The following LRRC74A variants were observed in gnomAD, a reference collection of about 807,000 sequenced individuals.
The protein encoded by LRRC74A is leucine rich repeat containing 74A, also known as leucine-rich repeat-containing protein 74A.
A neutral mutation model predicts 57.9 loss-of-function variants in LRRC74A; 44 were observed. The observed-to-expected ratio is 0.76, with a 90% CI of 0.60 to 0.98. LRRC74A has a LOEUF of 0.98. LRRC74A is among the 50% of genes least tolerant of loss of function. The pLI is 0.00. For synonymous variants in LRRC74A, 211 were observed against 219.4 expected, an observed-to-expected ratio of 0.96 and a Z score of 0.34; for missense variants, 572 against 574.0, an observed-to-expected ratio of 1.00 and a Z score of 0.04.
At chr14:76,859,013 G>A (rs1318962811) in intron 10 of LRRC74A, among the ~76,000 whole-genome samples, 1 of 152,082 alleles carries the variant, frequency 6.6e-6, no homozygotes. Flanking sequence ...CTTTCCCTTT[G>A]TTCTCTCACC....
intron 12 of LRRC74A, among the ~76,000 whole-genome samples, chr14:76,866,937 G>T: frequency 1.4e-5 from 1 of 73,826 alleles, no homozygotes; most frequent in Non-Finnish European, 2.6e-5. Flanking sequence ...GGGGGGGGTG[G>T]TAGGTGTGTG....
chr14:76,868,835 C>A (rs199840258), intron 13 of LRRC74A, among the ~76,000 whole-genome samples: 30 of 152,270 alleles, frequency 2.0e-4, no homozygotes, highest in Non-Finnish European at 2.8e-4. Context: ...CCCTGCTCTG[C>A]GGAACAAGGC....
intron 11 of LRRC74A, among the ~76,000 whole-genome samples, chr14:76,865,041 C>A (rs1218882767): frequency 6.6e-6 from 1 of 152,066 alleles, no homozygotes; most frequent in Non-Finnish European, 1.5e-5. Flanking sequence ...TAAAAGGGTC[C>A]ACACCAAGAT....
chr14:76,831,232 A>C lies in LRRC74A; in HGVS notation c.196A>C (p.Lys66Gln). 1 of 1,613,966 alleles carries C rather than the reference A, an allele frequency of 6.2e-7. No individual in the cohort carries two copies. Among genetic ancestry groups the C allele is most frequent in the Non-Finnish European group, 8.5e-7 (1 of 1,179,860 alleles). The change falls in exon 3 of 14, where the codon AAG becomes CAG. Residue 66 changes from lysine to glutamine, a missense_variant. Transcript: ENST00000689127. ...DDEKFFTTGQ[K>Q]ELYLEACKLM... ...TGAGAAATTTTTCACCACTGGACAAAAGGAGCTGTACCTGGAGGCCTGCAA... is the reference window on the plus strand; with the variant it reads ...TGAGAAATTTTTCACCACTGGACAACAGGAGCTGTACCTGGAGGCCTGCAA...
Position 76,828,268 on chromosome 14 carries a change from A to G in LRRC74A, c.38-23A>G, listed in dbSNP as rs911897936. On this transcript the variant is annotated intron_variant, in intron 1 of 13. Transcript: ENST00000689127. ...CCAGCAAGTTTTATTCCTGGCATCA[A>G]GGAGATGAGTTTTTTCTTCCAGATG... is the stretch of plus-strand genomic sequence containing the variant. 2.5e-6 allele frequency: 4 copies of G among 1,571,232 alleles called. No homozygotes were observed. In the African/African-American group the frequency reaches 5.4e-5, roughly 21 times the overall value.
chr14:76,856,592 ATGGATGGATGACAGG>A (rs1256636739), intron 9 of LRRC74A, among the ~76,000 whole-genome samples: 35 of 150,130 alleles, frequency 2.3e-4, no homozygotes, highest in African/African-American at 6.9e-4. Flanking sequence ...GGCTGGATGG[ATGGATGGATGACAGG>A]TGGATGGATG....
Position 76,860,785 on chromosome 14 carries a change from CCT to C in LRRC74A, c.1152_1153del (p.Pro385GlnfsTer44). On this transcript the variant is annotated frameshift_variant, in exon 11 of 14. Transcript: ENST00000689127. LOFTEE classifies it high-confidence loss of function. ...ACGTGGTATTCAAGGCAGTACAAGGCCTCTCTCCCAAGAAAACCATCTTCTTG... is the reference window on the plus strand; with the variant it reads ...ACGTGGTATTCAAGGCAGTACAAGGCCTCTCCCAAGAAAACCATCTTCTTG... ...LDVVFKAVQG[L>X]SPKKTIFLLT... 1 of 1,610,762 alleles carries C rather than the reference CCT, an allele frequency of 6.2e-7. No homozygotes were observed. Among genetic ancestry groups the C allele is most frequent in the African/African-American group, 1.3e-5 (1 of 74,926 alleles).
chr14:76,861,031 C>A (rs1898263758), intron 11 of LRRC74A, among the ~76,000 whole-genome samples, 192 bp downstream of exon 11: 1 of 152,236 alleles, frequency 6.6e-6, no homozygotes, highest in African/African-American at 2.4e-5. Flanking sequence ...CTCAGCAGTG[C>A]TTCCTGATCT....
chr14:76,856,448 G>A (rs1424327330), intron 9 of LRRC74A, among the ~76,000 whole-genome samples: 1 of 152,242 alleles, frequency 6.6e-6, no homozygotes, highest in African/African-American at 2.4e-5. Flanking sequence ...CTGCCTGTGT[G>A]TCCCTCAGTG....
chr14:76,840,741 G>A (rs1037199241), intron 5 of LRRC74A, among the ~76,000 whole-genome samples: 3 of 151,570 alleles, frequency 2.0e-5, no homozygotes, highest in Non-Finnish European at 4.4e-5. Context: ...CCGCCACCTC[G>A]CCCGGCTAAT....
chr14:76,855,531 C>T (rs1897817700), intron 9 of LRRC74A, among the ~76,000 whole-genome samples: 2 of 152,168 alleles, frequency 1.3e-5, no homozygotes, highest in South Asian at 2.1e-4. Flanking sequence ...TAAGACAAAA[C>T]TCTTAGTTTG....
At chr14:76,842,127 GT>G (rs1314359877) in intron 5 of LRRC74A, among the ~76,000 whole-genome samples, 1 of 152,106 alleles carries the variant, frequency 6.6e-6, no homozygotes, top group African/African-American at 2.4e-5. Context: ...TGAACAGAAT[GT>G]TTTTTTCTAT....
intron 11 of LRRC74A, among the ~76,000 whole-genome samples, chr14:76,864,575 C>T (rs909788671): frequency 5.3e-5 from 8 of 152,084 alleles, no homozygotes; most frequent in African/African-American, 1.9e-4. Context: ...ATTGTAAGGC[C>T]GGATGCAGTA....
intron 13 of LRRC74A, among the ~76,000 whole-genome samples, chr14:76,868,505 G>A (rs1030739492): frequency 1.3e-5 from 2 of 152,128 alleles, no homozygotes; most frequent in South Asian, 2.1e-4. Flanking sequence ...CCAAATTCTC[G>A]CAGCTGGGAA....
At chr14:76,841,187 G>A (rs2362863) in intron 5 of LRRC74A, among the ~76,000 whole-genome samples, 122,907 of 152,038 alleles carry the variant, frequency 0.81, 49,908 homozygotes, top group South Asian at 0.88. Flanking sequence ...AATTACAGGC[G>A]CCTGCTGCCA....
chr14:76,857,523 C>A (rs1354805202), intron 10 of LRRC74A, 48 bp downstream of exon 10: 1 of 1,332,496 alleles, frequency 7.5e-7, no homozygotes, highest in South Asian at 1.3e-5. Context: ...AAGCCAGTGA[C>A]CCTGTCCACT....
intron 3 of LRRC74A, among the ~76,000 whole-genome samples, chr14:76,834,876 C>T (rs7493768): frequency 0.28 from 43,350 of 152,106 alleles, 6,949 homozygotes; most frequent in East Asian, 0.52. Flanking sequence ...GAATTTTGCT[C>T]AGCCCAGAGA....
chr14:76,829,220 C>T lies in LRRC74A; in HGVS notation c.166+801C>T. The T allele has an allele frequency of 8.6e-6, 11 of 1,283,064 alleles. No homozygotes were observed. In the South Asian group the frequency reaches 1.2e-4, roughly 14 times the overall value. 79.5% of individuals were successfully genotyped at this position (1,283,064 alleles called of 1,614,324 possible). On this transcript the variant is annotated intron_variant, in intron 2 of 13. Coordinates refer to ENST00000689127, the MANE Select transcript of LRRC74A (RefSeq NM_001385106.1). Reference sequence around the variant, plus strand: ...CCCAGTCACCCTTCCTCCCCTGCATCCTTGCAGCTGGCTGGTGGGCAGTGA... The same window carrying T: ...CCCAGTCACCCTTCCTCCCCTGCATTCTTGCAGCTGGCTGGTGGGCAGTGA...
intron 7 of LRRC74A, among the ~76,000 whole-genome samples, chr14:76,851,600 C>T (rs979487067): frequency 2.6e-5 from 4 of 151,848 alleles, no homozygotes; most frequent in African/African-American, 9.7e-5. Flanking sequence ...TCTGGTGATC[C>T]ACCTGCCTCG....
Sources: allele counts gnomAD v4.1 joint callset (sites outside exome capture counted in the v4.1 genomes callset), GRCh38; gene constraint gnomAD v4.1.1; transcripts MANE v1.5; gene names NCBI Gene and HGNC (gene_info 2026-07-23, HGNC 2026-07-21).